Variants in PHEX observed in about 807,000 individuals in gnomAD.
The protein encoded by PHEX is phosphate-regulating neutral endopeptidase PHEX.
Under a neutral mutation model 68.0 loss-of-function variants are expected in PHEX, and 16 were observed. That is an observed-to-expected ratio of 0.24 (90% confidence interval 0.16 to 0.36). The LOEUF (loss-of-function observed/expected upper bound fraction) is 0.36. Ranked by LOEUF, PHEX falls within the 10% of genes least tolerant of loss-of-function variation. The pLI is 1.00. For missense variants in PHEX, 480 were observed against 575.5 expected, an observed-to-expected ratio of 0.83 and a Z score of 1.70; for synonymous variants, 208 against 205.1, an observed-to-expected ratio of 1.01 and a Z score of -0.12.
intron 12 of PHEX, among the ~76,000 whole-genome samples, chrX:22,157,377 T>A (rs1047973657): frequency 1.8e-5 from 2 of 112,588 alleles, no homozygotes; most frequent in Admixed American, 1.9e-4. Flanking sequence ...CCTCTATTTT[T>A]AAGGTAATAT....
chrX:22,170,906 A>C (rs1356123689), intron 13 of PHEX, among the ~76,000 whole-genome samples: 3 of 112,463 alleles, frequency 2.7e-5, no homozygotes, highest in African/African-American at 9.7e-5. Flanking sequence ...GCCTGAACTG[A>C]AGACATTACA....
chrX:22,168,411 C>CTT, intron 13 of PHEX, 22 bp downstream of exon 13: 18 of 954,606 alleles, frequency 1.9e-5, no homozygotes, highest in South Asian at 4.2e-5. Flanking sequence ...ATTTACTGTA[C>CTT]TTTTTTTTTT....
At chrX:22,239,359 G>A (rs1936102602) in intron 20 of PHEX, among the ~76,000 whole-genome samples, 1 of 111,051 alleles carries the variant, frequency 9.0e-6, no homozygotes, top group Non-Finnish European at 1.9e-5. Context: ...TCGCCAGCAA[G>A]GGAACAAAAC....
At chrX:22,055,215 A>AAAAAAAAAAC (rs1928042717) in intron 3 of PHEX, among the ~76,000 whole-genome samples, 1 of 83,174 alleles carries the variant, frequency 1.2e-5, no homozygotes, top group Admixed American at 1.4e-4. Context: ...AAAAAAAAAA[A>AAAAAAAAAAC]CAGACCTAGT....
At chrX:22,054,648 G>A (rs1029900762) in intron 3 of PHEX, among the ~76,000 whole-genome samples, 5 of 111,287 alleles carry the variant, frequency 4.5e-5, no homozygotes, top group Admixed American at 2.9e-4. Flanking sequence ...TCTTTTTCAC[G>A]TGGCCACATA....
At chrX:22,244,386 A>G (rs1167946281) in intron 20 of PHEX, among the ~76,000 whole-genome samples, 9 of 110,262 alleles carry the variant, frequency 8.2e-5, no homozygotes, top group African/African-American at 3.0e-4. Context: ...ATACCTATGT[A>G]AGAAGCTTCC....
chrX:22,117,299 C>G, intron 11 of PHEX, among the ~76,000 whole-genome samples: 1 of 111,324 alleles, frequency 9.0e-6, no homozygotes, highest in Middle Eastern at 4.6e-3. Context: ...GTTATTGGGC[C>G]GTGAGAAATA....
At chrX:22,099,959 C>T (rs1414813137) in intron 9 of PHEX, among the ~76,000 whole-genome samples, 1 of 112,336 alleles carries the variant, frequency 8.9e-6, no homozygotes, top group Non-Finnish European at 1.9e-5. Context: ...TAGCATTTAT[C>T]CCCTACGGAA....
intron 9 of PHEX, among the ~76,000 whole-genome samples, chrX:22,101,304 A>G (rs1017467440): frequency 8.9e-6 from 1 of 112,777 alleles, no homozygotes; most frequent in Non-Finnish European, 1.9e-5. Flanking sequence ...CAACGTACAC[A>G]TCATGAGAAG....
chrX:22,073,148 G>A (rs1000619050), intron 3 of PHEX, among the ~76,000 whole-genome samples: 1 of 111,646 alleles, frequency 9.0e-6, no homozygotes, highest in African/African-American at 3.3e-5. Context: ...ATCCTGAGAA[G>A]CAAGCAGGAG....
In PHEX at chrX:22,198,714, G is replaced by T. The variant is rs138144390; in HGVS notation, c.1645+8212G>T. ...ATGGGAGATGATAAGTGGAAGGAAG[G>T]CTTTGTGGGTCATGTCAAAGAACAG... On this transcript the variant is annotated intron_variant, in intron 15 of 21. Coordinates refer to ENST00000379374, the MANE Select transcript of PHEX (RefSeq NM_000444.6). Among the ~76,000 whole-genome samples the T allele has an allele frequency of 9.8e-3, 1,094 of 111,432 alleles. 13 individuals carry two copies. Among genetic ancestry groups the T allele is most frequent in the African/African-American group, 0.034 (1,029 of 30,619 alleles).
chrX:22,230,332 G>A (rs888089307), intron 20 of PHEX, among the ~76,000 whole-genome samples: 1 of 100,401 alleles, frequency 1.0e-5, no homozygotes, highest in Non-Finnish European at 2.0e-5. Flanking sequence ...AGCTTGATGG[G>A]GATAGCAATG....
At chrX:22,240,766 C>G (rs1293910219) in intron 20 of PHEX, among the ~76,000 whole-genome samples, 2 of 111,609 alleles carry the variant, frequency 1.8e-5, no homozygotes, top group African/African-American at 3.3e-5. Context: ...AAAGCAAGTT[C>G]TCAGAGACCT....
At chrX:22,211,712 C>T (rs759879019) in intron 15 of PHEX, among the ~76,000 whole-genome samples, 7 of 112,235 alleles carry the variant, frequency 6.2e-5, no homozygotes, top group Non-Finnish European at 1.3e-4. Context: ...TCTCACACTG[C>T]TAATAAAGAC....
At chrX:22,233,859 C>A (rs377157568) in intron 20 of PHEX, among the ~76,000 whole-genome samples, 1 of 111,749 alleles carries the variant, frequency 8.9e-6, no homozygotes, top group Non-Finnish European at 1.9e-5. Context: ...CCCTTGCTGG[C>A]GAGGTGTTGT....
At position 22,101,759 on chromosome X, in the gene PHEX, T is replaced by C. The variant is rs1159103893; in HGVS notation, c.1079+2608T>C. On this transcript the variant is annotated intron_variant, in intron 9 of 21. Transcript: ENST00000379374. ...CCAGAACTCAGTCTTGTGACTCATC[T>C]AGCTGTAGGGGAGACTGGGAAATAT... Among the ~76,000 whole-genome samples the C allele has an allele frequency of 4.5e-5, 5 of 111,615 alleles. No individual in the cohort carries two copies. The Admixed American group carries it at 4.7e-4, about 11-fold the overall frequency.
At chrX:22,080,668 C>T (rs1296575525) in intron 5 of PHEX, among the ~76,000 whole-genome samples, 3 of 110,414 alleles carry the variant, frequency 2.7e-5, no homozygotes, top group African/African-American at 9.9e-5. Context: ...ATTTGAAGCC[C>T]CCCCCACTTA....
chrX:22,119,596 C>CTT (rs774763952), intron 11 of PHEX, among the ~76,000 whole-genome samples: 6 of 98,888 alleles, frequency 6.1e-5, no homozygotes, highest in African/African-American at 1.5e-4. Flanking sequence ...TTTTCTTTTT[C>CTT]TTTTTTTTTT....
Position 22,219,197 on chromosome X carries a change from A to G in PHEX, c.1768+94A>G, listed in dbSNP as rs903739787. The G allele has an allele frequency of 9.6e-6, 6 of 625,432 alleles. No individual in the cohort carries two copies. In the African/African-American group the frequency reaches 1.3e-4, roughly 13 times the overall value. The allele number at this position is 625,432 out of a possible 1,213,427, so 51.5% of individuals were successfully genotyped here. A position where few individuals can be genotyped will look rare whatever the true frequency, so the allele number is the denominator to read the frequency against. ...ATGATTATCTTTGCATAGCAGCAGC[A>G]TCATAGCTTGAAGATTATCCAAAGC... On this transcript the variant is annotated intron_variant, in intron 17 of 21. Coordinates refer to ENST00000379374, the MANE Select transcript of PHEX (RefSeq NM_000444.6).
Sources: allele counts gnomAD v4.1 joint callset (sites outside exome capture counted in the v4.1 genomes callset), GRCh38; gene constraint gnomAD v4.1.1; transcripts MANE v1.5; gene names NCBI Gene and HGNC (gene_info 2026-07-23, HGNC 2026-07-21).